Variants in TMEM87B observed in about 807,000 individuals in gnomAD.
The protein encoded by TMEM87B is transmembrane protein 87B.
TMEM87B carries 83 observed loss-of-function variants against 80.3 expected under a neutral mutation model. The observed-to-expected ratio is 1.03, with a 90% CI of 0.87 to 1.24. TMEM87B has a LOEUF of 1.24. Ranked by LOEUF, TMEM87B falls within the 50% of genes most tolerant of loss-of-function variation. The probability of loss-of-function intolerance (pLI) is 0.00; values close to 1 mark genes in which losing one functional copy is unlikely to be tolerated. For missense variants in TMEM87B, 625 were observed against 674.4 expected, an observed-to-expected ratio of 0.93 and a Z score of 0.81; for synonymous variants, 219 against 230.5, an observed-to-expected ratio of 0.95 and a Z score of 0.45.
At chr2:112,098,557 A>C (rs758736871) in intron 13 of TMEM87B, 38 bp from the exon 14 acceptor site, 4 of 1,598,336 alleles carry the variant, frequency 2.5e-6, no homozygotes, top group East Asian at 2.2e-5. Context: ...TGCTTATCAG[A>C]AAATTAACGT....
intron 1 of TMEM87B, among the ~76,000 whole-genome samples, chr2:112,055,986 C>A (rs1236599070): frequency 6.6e-6 from 1 of 152,222 alleles, no homozygotes; most frequent in African/African-American, 2.4e-5. Flanking sequence ...ATGGGACGGC[C>A]CTCGGGTCCG....
intron 17 of TMEM87B, among the ~76,000 whole-genome samples, chr2:112,112,190 C>T (rs899261520): frequency 6.6e-6 from 1 of 152,184 alleles, no homozygotes; most frequent in Non-Finnish European, 1.5e-5. Flanking sequence ...AGGCTCTCCT[C>T]CCTCAGACCT....
At chr2:112,082,476 C>A (rs1481236824) in intron 8 of TMEM87B, among the ~76,000 whole-genome samples, 1 of 152,060 alleles carries the variant, frequency 6.6e-6, no homozygotes, top group East Asian at 1.9e-4. Flanking sequence ...CGTAACGTTG[C>A]TAATTATTGA....
chr2:112,087,619 G>T (rs753790229), intron 9 of TMEM87B, among the ~76,000 whole-genome samples: 1 of 152,080 alleles, frequency 6.6e-6, no homozygotes, highest in Non-Finnish European at 1.5e-5. Context: ...GCTCGGTTTT[G>T]TTTTTTCTTG....
chr2:112,080,128 C>G (rs1678945411), intron 6 of TMEM87B, among the ~76,000 whole-genome samples: 1 of 151,892 alleles, frequency 6.6e-6, no homozygotes, highest in Admixed American at 6.6e-5. Context: ...CGGGTTTCAC[C>G]ATGTTGGTCA....
chr2:112,105,479 C>G (rs1679741113), intron 15 of TMEM87B, among the ~76,000 whole-genome samples: 1 of 152,132 alleles, frequency 6.6e-6, no homozygotes, highest in African/African-American at 2.4e-5. Context: ...ATTGCCTTGC[C>G]CAAGATTCCA....
chr2:112,077,046 A>AAG, intron 5 of TMEM87B, 146 bp from the exon 6 acceptor site: 1 of 463,200 alleles, frequency 2.2e-6, no homozygotes. Flanking sequence ...CTCAAAAAAA[A>AAG]AAAAAAAAAA....
chr2:112,101,194 G>A (rs1392460493), intron 15 of TMEM87B, among the ~76,000 whole-genome samples: 1 of 152,114 alleles, frequency 6.6e-6, no homozygotes, highest in Non-Finnish European at 1.5e-5. Flanking sequence ...ACATCAATAA[G>A]TAACTCAGAT....
At chr2:112,059,228 T>A (rs1678171759) in intron 1 of TMEM87B, among the ~76,000 whole-genome samples, 1 of 152,158 alleles carries the variant, frequency 6.6e-6, no homozygotes, top group South Asian at 2.1e-4. Flanking sequence ...TTTTTATTCC[T>A]GAGAAGACAT....
At chr2:112,065,663 A>AT (rs1157198321) in intron 3 of TMEM87B, among the ~76,000 whole-genome samples, 1 of 151,456 alleles carries the variant, frequency 6.6e-6, no homozygotes, top group East Asian at 1.9e-4. Context: ...AAAAAAAAAA[A>AT]AAAGTTCACC....
chr2:112,067,212 A>G (rs1349747391), intron 4 of TMEM87B, 145 bp downstream of exon 4: 9 of 1,087,514 alleles, frequency 8.3e-6, no homozygotes, highest in Non-Finnish European at 1.2e-5. Context: ...CCCACTGAAT[A>G]CAAGTATCAA....
chr2:112,062,483 C>A (rs894436324), intron 2 of TMEM87B, among the ~76,000 whole-genome samples: 5 of 152,192 alleles, frequency 3.3e-5, no homozygotes, highest in African/African-American at 1.2e-4. Context: ...ACTTCCTCAA[C>A]CTGATAAAAG....
In TMEM87B at chr2:112,066,925, A is replaced by G. The variant is rs1353245628; in HGVS notation, c.319-11A>G. On this transcript the variant is annotated splice_polypyrimidine_tract_variant and intron_variant, in intron 3 of 18. Transcript: ENST00000283206. The stretch of plus-strand genomic sequence containing the variant: ...GGAATAAATTATAACATAGAATTTT[A>G]CCTTATATAGGAGCTGTTCCAAAAA... 1.3e-6 allele frequency: 2 copies of G among 1,569,062 alleles called. No homozygotes were observed. The highest frequency in any genetic ancestry group is 2.3e-5 in the East Asian group (1 of 43,612).
intron 9 of TMEM87B, 84 bp downstream of exon 9, chr2:112,086,188 C>T: frequency 9.3e-7 from 1 of 1,079,506 alleles, no homozygotes; most frequent in Non-Finnish European, 1.4e-6. Flanking sequence ...GAAAATGGAA[C>T]TTCTAAGTAT....
rs1678457139 is a variant in TMEM87B, at chr2:112,067,048, A to G, written c.431A>G (p.Gln144Arg). 5.0e-6 allele frequency: 8 copies of G among 1,611,042 alleles called. No individual in the cohort carries two copies. The highest frequency in any genetic ancestry group is 6.8e-6 in the Non-Finnish European group (8 of 1,179,194). Reference protein sequence around the residue: ...NENLDCNSDSQVFPSLNNKEL... With the variant: ...NENLDCNSDSRVFPSLNNKEL... ...AACTTAGATTGCAACAGTGATTCAC[A>G]GGTGTTTCCCTCTTTGAATGTGAGT... Residue 144 changes from glutamine to arginine, a missense_variant, in exon 4 of 19, where the codon CAG (glutamine) becomes CGG (arginine). Coordinates refer to ENST00000283206, the MANE Select transcript of TMEM87B (RefSeq NM_032824.3).
chr2:112,101,617 T>C (rs10204140), intron 15 of TMEM87B, among the ~76,000 whole-genome samples: 3,385 of 152,194 alleles, frequency 0.022, 32 homozygotes, highest in African/African-American at 0.027. Context: ...ATTCTTACAA[T>C]AAAGTAGGTG....
rs1022936916 is a variant in TMEM87B at position 112,064,076 on chromosome 2, A to G, written c.227-86A>G. Reference sequence around the variant, plus strand: ...ACTCATTGTTACATTAAAGTAGCCTATTTTTAATTGCATTCTCAAAACCTT... The same window carrying G: ...ACTCATTGTTACATTAAAGTAGCCTGTTTTTAATTGCATTCTCAAAACCTT... On this transcript the variant is annotated intron_variant, in intron 2 of 18. Coordinates refer to ENST00000283206, the MANE Select transcript of TMEM87B (RefSeq NM_032824.3). The G allele has an allele frequency of 1.3e-5, 15 of 1,162,496 alleles. No homozygotes were observed. In the South Asian group the frequency reaches 1.6e-4, roughly 12 times the overall value. The allele number at this position is 1,162,496 out of a possible 1,614,324, so 72.0% of individuals were successfully genotyped here. A position where few individuals can be genotyped will look rare whatever the true frequency, so the allele number is the denominator to read the frequency against.
intron 8 of TMEM87B, among the ~76,000 whole-genome samples, chr2:112,083,048 A>T (rs1679045920): frequency 1.3e-5 from 2 of 152,236 alleles, no homozygotes; most frequent in Admixed American, 1.3e-4. Flanking sequence ...ATTCTGTGAC[A>T]GGGGCTGTCT....
chr2:112,084,420 A>G (rs1679086939), intron 8 of TMEM87B, among the ~76,000 whole-genome samples: 1 of 152,128 alleles, frequency 6.6e-6, no homozygotes, highest in Non-Finnish European at 1.5e-5. Context: ...AATCTTCTCA[A>G]CCTCTGAATG....
Sources: gnomAD v4.1 joint callset for allele counts (sites outside exome capture counted in the v4.1 genomes callset) on GRCh38, gnomAD v4.1.1 for gene constraint, MANE v1.5 for transcripts, NCBI Gene and HGNC (gene_info 2026-07-23, HGNC 2026-07-21) for gene names.